The following POLR1E variants were observed in gnomAD, a reference collection of about 807,000 sequenced individuals.
The protein encoded by POLR1E is RNA polymerase I subunit E, also known as DNA-directed RNA polymerase I subunit RPA49.
POLR1E carries 37 observed loss-of-function variants against 50.9 expected under a neutral mutation model. That is an observed-to-expected ratio of 0.73 (90% CI 0.56 to 0.96). The LOEUF is 0.96. POLR1E is among the 40% of genes least tolerant of loss of function. The pLI is 0.00. For missense variants in POLR1E, 426 were observed against 518.1 expected (o/e 0.82, Z 1.73); for synonymous variants, 166 against 191.6 (o/e 0.87, Z 1.10).
At chr9:37,490,802 A>G (rs1820670014) in intron 4 of POLR1E, 2 of 608,554 alleles carry the variant, frequency 3.3e-6, no homozygotes, top group African/African-American at 1.8e-5. Context: ...ATAGATTCAC[A>G]TATATGTGGC....
At position 37,499,476 on chromosome 9, in the gene POLR1E, G is replaced by A. The variant is rs143880341; in HGVS notation, c.886+1252G>A. Among the ~76,000 whole-genome samples the A allele has an allele frequency of 2.4e-3, 364 of 152,290 alleles. 3 individuals are homozygous for A. The highest frequency in any genetic ancestry group is 8.4e-3 in the African/African-American group (350 of 41,566). ...CTGTCATTGACCAAAACACTGTAAT[G>A]TGGGACATGACTGTATTTGCTTAGT... On this transcript the variant is annotated intron_variant, in intron 9 of 11. Coordinates refer to ENST00000377798, the MANE Select transcript of POLR1E (RefSeq NM_022490.4).
Position 37,485,970 on chromosome 9 carries a change from C to G in POLR1E, c.-78C>G. 6 of 1,534,694 alleles carry G rather than the reference C, an allele frequency of 3.9e-6. No homozygotes were observed. The highest frequency in any genetic ancestry group is 5.3e-6 in the Non-Finnish European group (6 of 1,131,670). On this transcript the variant is annotated 5_prime_UTR_variant, in exon 1 of 12. Coordinates refer to ENST00000377798, the MANE Select transcript of POLR1E (RefSeq NM_022490.4). ...CGCCTTTTCCGGCCCGCAGCGCGGC[C>G]TGGGCTCCCGCGTGTTTAAAAGTGC...
chr9:37,490,190 C>T (rs1223635465), intron 4 of POLR1E, among the ~76,000 whole-genome samples: 3 of 152,118 alleles, frequency 2.0e-5, no homozygotes, highest in African/African-American at 4.8e-5. Context: ...ATATTTCATA[C>T]GTAATACCTG....
At chr9:37,495,861 GT>G in intron 7 of POLR1E, 28 bp from the exon 8 acceptor site, 1 of 1,528,456 alleles carries the variant, frequency 6.5e-7, no homozygotes, top group African/African-American at 1.4e-5. Context: ...TTCTATTTTG[GT>G]TGGATTATAT....
Position 37,500,930 on chromosome 9 carries a change from G to A in POLR1E, c.968+9G>A, listed in dbSNP as rs754329049. On this transcript the variant is annotated intron_variant, in intron 10 of 11. Transcript: ENST00000377798. ...ACCTACAACAATGGCAGGTCAGGGG[G>A]TGGTTGCTGGGATTTTTCTTGTGCA... 3.7e-6 allele frequency: 6 copies of A among 1,608,898 alleles called. No individual in the cohort carries two copies. The Admixed American group carries it at 8.3e-5, about 22-fold the overall frequency.
intron 1 of POLR1E, chr9:37,486,342 C>G (rs1236477655): frequency 2.2e-6 from 3 of 1,393,642 alleles, no homozygotes; most frequent in Admixed American, 5.2e-5. Context: ...CTCCCCAGAG[C>G]TGTGTCCAGG....
chr9:37,492,361 G>T (rs1465155647), intron 4 of POLR1E: 18 of 1,260,678 alleles, frequency 1.4e-5, no homozygotes, highest in Non-Finnish European at 1.6e-5. Flanking sequence ...CCACTACCTG[G>T]TGAACTGACC....
In POLR1E at chr9:37,499,625, G is replaced by A. The variant is rs1006248698; in HGVS notation, c.887-1215G>A. Reference sequence around the variant, plus strand: ...TGGCTCACTACAACCTCCATCTCCTGGGTTCAAGCAATTCTGCCTCAGCCT... The same window carrying A: ...TGGCTCACTACAACCTCCATCTCCTAGGTTCAAGCAATTCTGCCTCAGCCT... On this transcript the variant is annotated intron_variant, in intron 9 of 11. Transcript: ENST00000377798. 2.0e-4 allele frequency among the ~76,000 whole-genome samples: 30 copies of A among 151,930 alleles called. 1 individual carries two copies. The highest frequency in any genetic ancestry group is 7.3e-4 in the African/African-American group (30 of 41,372).
In POLR1E at chr9:37,486,397, T is replaced by C. The variant is rs1263866524; in HGVS notation, c.76+274T>C. ...CCACCAGGTCTCCCGCCTCCCCCAT[T>C]TCCCTCTCTTCACTGGGCAGGGGTT... On this transcript the variant is annotated intron_variant, in intron 1 of 11. Coordinates refer to ENST00000377798, the MANE Select transcript of POLR1E (RefSeq NM_022490.4). 2.0e-6 allele frequency: 3 copies of C among 1,509,996 alleles called. No individual in the cohort carries two copies. In the South Asian group the frequency reaches 3.9e-5, roughly 20 times the overall value. 93.5% of individuals were successfully genotyped at this position (1,509,996 alleles called of 1,614,324 possible).
chr9:37,492,778 C>A (rs1243488564), intron 5 of POLR1E, 63 bp downstream of exon 5: 2 of 1,456,234 alleles, frequency 1.4e-6, no homozygotes, highest in Non-Finnish European at 1.9e-6. Flanking sequence ...TCGGGTTTCT[C>A]CATCAGTGAA....
intron 2 of POLR1E, 84 bp downstream of exon 2, chr9:37,486,890 G>A: frequency 6.8e-7 from 1 of 1,478,694 alleles, no homozygotes; most frequent in East Asian, 2.3e-5. Context: ...GGGAGTGAGG[G>A]GAGAAAAAGG....
chr9:37,490,529 C>A, intron 4 of POLR1E: 1 of 762,668 alleles, frequency 1.3e-6, no homozygotes. Context: ...TCAGTTGAAC[C>A]CAGGTACCTT....
intron 1 of POLR1E, chr9:37,486,454 C>A (rs1246019886): frequency 1.3e-6 from 2 of 1,550,184 alleles, no homozygotes; most frequent in Non-Finnish European, 1.7e-6. Flanking sequence ...TACCAGGCCT[C>A]TGCTGTCAGC....
intron 10 of POLR1E, among the ~76,000 whole-genome samples, chr9:37,501,333 G>A (rs1173952224): frequency 6.6e-6 from 1 of 152,244 alleles, no homozygotes; most frequent in Non-Finnish European, 1.5e-5. Context: ...TGCATGGCGT[G>A]TGTTTTCTGC....
chr9:37,496,088 G>A (rs1327888002), intron 8 of POLR1E, 102 bp downstream of exon 8: 1 of 821,014 alleles, frequency 1.2e-6, no homozygotes, highest in Non-Finnish European at 2.1e-6. Flanking sequence ...GTGAGGAAGT[G>A]TGTCTGGAGC....
At chr9:37,500,456 A>G (rs1351184341) in intron 9 of POLR1E, among the ~76,000 whole-genome samples, 2 of 152,196 alleles carry the variant, frequency 1.3e-5, no homozygotes, top group African/African-American at 4.8e-5. Flanking sequence ...AAGTGTTGGG[A>G]TTACAGGCGT....
chr9:37,492,588 A>T lies in POLR1E; in HGVS notation c.344-69A>T, dbSNP rs114583057. On this transcript the variant is annotated intron_variant, in intron 4 of 11. Coordinates refer to ENST00000377798, the MANE Select transcript of POLR1E (RefSeq NM_022490.4). ...ATTCTTAGATAGACAAATGAATATT[A>T]AACACTATTACTATTTGTAGGCCTC... is the stretch of plus-strand genomic sequence containing the variant. The T allele has an allele frequency of 1.6e-3, 2,251 of 1,380,296 alleles. 33 individuals carry two copies. In the African/African-American group the frequency reaches 0.028, roughly 17 times the overall value. The allele number at this position is 1,380,296 out of a possible 1,614,324, so 85.5% of individuals were successfully genotyped here.
intron 4 of POLR1E, among the ~76,000 whole-genome samples, chr9:37,491,044 AG>A (rs1364867583): frequency 2.0e-5 from 3 of 152,250 alleles, no homozygotes; most frequent in Non-Finnish European, 2.9e-5. Context: ...GTTGAGGACA[AG>A]TCTCTACACT....
rs1459744453 is a variant in POLR1E at position 37,485,966 on chromosome 9, C to T, written c.-82C>T. On this transcript the variant is annotated 5_prime_UTR_variant, in exon 1 of 12. Coordinates refer to ENST00000377798, the MANE Select transcript of POLR1E (RefSeq NM_022490.4). ...GCCACGCCTTTTCCGGCCCGCAGCG[C>T]GGCCTGGGCTCCCGCGTGTTTAAAA... The T allele has an allele frequency of 1.8e-5, 28 of 1,522,556 alleles. 1 individual carries two copies. Among genetic ancestry groups the T allele is most frequent in the South Asian group, 1.3e-4 (11 of 83,456 alleles). 94.3% of individuals were successfully genotyped at this position (1,522,556 alleles called of 1,614,324 possible). A position where few individuals can be genotyped will look rare whatever the true frequency, so the allele number is the denominator to read the frequency against.
Sources: allele counts gnomAD v4.1 joint callset (sites outside exome capture counted in the v4.1 genomes callset), GRCh38; gene constraint gnomAD v4.1.1; transcripts MANE v1.5; gene names NCBI Gene and HGNC (gene_info 2026-07-23, HGNC 2026-07-21).